Variants in EXOC6B observed in about 807,000 individuals in gnomAD.
EXOC6B encodes the protein SEC15 homolog B.
Under a neutral mutation model 113.5 loss-of-function variants are expected in EXOC6B, and 54 were observed. The ratio of observed to expected loss-of-function variants is 0.48; its 90% CI spans 0.38 to 0.60. EXOC6B has a LOEUF of 0.60. Among genes scored for constraint, EXOC6B ranks in the 20% least tolerant of loss-of-function variants. The probability of loss-of-function intolerance (pLI) is 0.00; values close to 1 mark genes in which losing one functional copy is unlikely to be tolerated. For synonymous variants in EXOC6B, 357 were observed against 339.0 expected (o/e 1.05, Z -0.58); for missense variants, 797 against 977.5 (o/e 0.82, Z 2.46).
intron 6 of EXOC6B, among the ~76,000 whole-genome samples, chr2:72,715,063 G>A (rs1483850336): frequency 3.9e-5 from 6 of 151,950 alleles, no homozygotes; most frequent in East Asian, 1.9e-4. Flanking sequence ...TCAAGAGATC[G>A]AGACCATCCT....
chr2:72,337,562 T>C, intron 19 of EXOC6B, among the ~76,000 whole-genome samples: 1 of 152,152 alleles, frequency 6.6e-6, no homozygotes. Context: ...ATGTGATACA[T>C]ATTTAGTTTT....
chr2:72,471,287 G>T (rs1179827263), intron 17 of EXOC6B, among the ~76,000 whole-genome samples: 2 of 152,048 alleles, frequency 1.3e-5, no homozygotes, highest in Admixed American at 6.6e-5. Flanking sequence ...GTCTGTTCAT[G>T]TCCTTCGCCC....
intron 19 of EXOC6B, among the ~76,000 whole-genome samples, chr2:72,367,939 G>A (rs148507445): frequency 3.0e-4 from 45 of 152,250 alleles, no homozygotes; most frequent in African/African-American, 7.2e-4. Context: ...CATGCTCTGC[G>A]GTCTTGAGTA....
intron 18 of EXOC6B, among the ~76,000 whole-genome samples, chr2:72,446,717 C>G (rs1365763577): frequency 6.6e-6 from 1 of 152,136 alleles, no homozygotes; most frequent in African/African-American, 2.4e-5. Flanking sequence ...CAACAAACCC[C>G]TGTGACACAA....
At chr2:72,777,950 A>AAATG (rs1683801102) in intron 1 of EXOC6B, among the ~76,000 whole-genome samples, 3 of 152,220 alleles carry the variant, frequency 2.0e-5, no homozygotes, top group Admixed American at 2.0e-4. Context: ...TATAGTTTAT[A>AAATG]AATGAATGAA....
chr2:72,421,494 T>C (rs759724859), intron 18 of EXOC6B, among the ~76,000 whole-genome samples: 8 of 152,368 alleles, frequency 5.3e-5, no homozygotes, highest in African/African-American at 1.2e-4. Flanking sequence ...AGAATTTTTA[T>C]TGGGCTGCAT....
At chr2:72,562,799 G>A (rs1473848638) in intron 7 of EXOC6B, among the ~76,000 whole-genome samples, 1 of 152,114 alleles carries the variant, frequency 6.6e-6, no homozygotes, top group African/African-American at 2.4e-5. Flanking sequence ...TGGCAGTCAG[G>A]AACTCAAGAC....
intron 1 of EXOC6B, among the ~76,000 whole-genome samples, chr2:72,777,098 A>C (rs1440888895): frequency 6.6e-6 from 1 of 152,154 alleles, no homozygotes; most frequent in Non-Finnish European, 1.5e-5. Context: ...AAAATCAGCC[A>C]GGCGTGGTGG....
intron 1 of EXOC6B, among the ~76,000 whole-genome samples, chr2:72,791,039 G>A (rs1684647264): frequency 1.3e-5 from 2 of 152,012 alleles, no homozygotes; most frequent in Admixed American, 1.3e-4. Flanking sequence ...GCATTACAGA[G>A]CAAGTATAGT....
chr2:72,525,073 A>G (rs751995701), intron 8 of EXOC6B, among the ~76,000 whole-genome samples: 6 of 152,196 alleles, frequency 3.9e-5, no homozygotes, highest in Non-Finnish European at 8.8e-5. Context: ...CATGAGCCAT[A>G]GGAGAGCATC....
At chr2:72,600,119 A>G (rs1327225728) in intron 6 of EXOC6B, among the ~76,000 whole-genome samples, 1 of 152,146 alleles carries the variant, frequency 6.6e-6, no homozygotes, top group Non-Finnish European at 1.5e-5. Context: ...AGATCAGAGG[A>G]CAGTGTCCAA....
intron 20 of EXOC6B, among the ~76,000 whole-genome samples, chr2:72,279,430 C>T (rs1352856517): frequency 3.9e-5 from 6 of 152,130 alleles, no homozygotes; most frequent in East Asian, 1.9e-4. Context: ...CCTTGATGCA[C>T]ACAAAAATTG....
intron 6 of EXOC6B, among the ~76,000 whole-genome samples, chr2:72,689,135 C>T (rs1420474721): frequency 6.6e-6 from 1 of 152,040 alleles, no homozygotes; most frequent in Non-Finnish European, 1.5e-5. Context: ...GAATTTTAGC[C>T]CAGAGCAACT....
intron 6 of EXOC6B, among the ~76,000 whole-genome samples, chr2:72,628,499 G>C (rs949652156): frequency 6.6e-6 from 1 of 152,046 alleles, no homozygotes; most frequent in African/African-American, 2.4e-5. Context: ...AACAGTTAAA[G>C]GCTGTTTGTG....
intron 6 of EXOC6B, among the ~76,000 whole-genome samples, chr2:72,698,649 C>T (rs936639554): frequency 6.6e-6 from 1 of 152,188 alleles, no homozygotes; most frequent in African/African-American, 2.4e-5. Context: ...GAAGTTATAG[C>T]TAAACCAACG....
intron 11 of EXOC6B, among the ~76,000 whole-genome samples, chr2:72,507,349 A>G (rs570929798): frequency 3.3e-5 from 5 of 152,208 alleles, no homozygotes; most frequent in Non-Finnish European, 4.4e-5. Flanking sequence ...CAATGAGTAA[A>G]TCTGTGTTAA....
At position 72,392,213 on chromosome 2, in the gene EXOC6B, T is replaced by C. The variant is rs139768460; in HGVS notation, c.1981-12343A>G. ...AGCTGGGCATGCATTCATCAGCTGG[T>C]AACCCTGAAGCAGTGGCTTACCCTT... On this transcript the variant is annotated intron_variant, in intron 18 of 21. Coordinates refer to ENST00000272427, the MANE Select transcript of EXOC6B (RefSeq NM_015189.3). 4.9e-3 allele frequency among the ~76,000 whole-genome samples: 747 copies of C among 152,322 alleles called. 10 individuals carry two copies. The highest frequency in any genetic ancestry group is 0.017 in the African/African-American group (693 of 41,572).
chr2:72,553,412 T>G (rs1190816397), intron 8 of EXOC6B, among the ~76,000 whole-genome samples: 1 of 152,050 alleles, frequency 6.6e-6, no homozygotes, highest in African/African-American at 2.4e-5. Context: ...CAAATCAAAA[T>G]TCTAGAAGGA....
At position 72,512,395 on chromosome 2, in the gene EXOC6B, G is replaced by A. The variant is rs925639268; in HGVS notation, c.1167+737C>T. On this transcript the variant is annotated intron_variant, in intron 11 of 21. Transcript: ENST00000272427. ...AGGAAGGAAGGAAGGAAGGAAGGAA[G>A]GAAGGAAGGAAGGAAGGAAGGAAGG... is the stretch of plus-strand genomic sequence containing the variant. 1.7e-3 allele frequency among the ~76,000 whole-genome samples: 197 copies of A among 114,860 alleles called. 2 individuals are homozygous for A. The highest frequency in any genetic ancestry group is 6.6e-3 in the African/African-American group (183 of 27,702). 75.4% of individuals were successfully genotyped at this position (114,860 alleles called of 152,430 possible). A position where few individuals can be genotyped will look rare whatever the true frequency, so the allele number is the denominator to read the frequency against.
Sources: gnomAD v4.1 joint callset for allele counts (sites outside exome capture counted in the v4.1 genomes callset) on GRCh38, gnomAD v4.1.1 for gene constraint, MANE v1.5 for transcripts, NCBI Gene and HGNC (gene_info 2026-07-23, HGNC 2026-07-21) for gene names.